ARHGAP18: variants seen among roughly 807,000 people sequenced by gnomAD.
ARHGAP18 encodes the protein rho GTPase-activating protein 18.
Under a neutral mutation model 86.2 loss-of-function variants are expected in ARHGAP18, and 67 were observed. That is an observed-to-expected ratio of 0.78 (90% CI 0.64 to 0.95). The LOEUF (loss-of-function observed/expected upper bound fraction) is 0.95, where lower values mean the gene tolerates loss of function less well. Among genes scored for constraint, ARHGAP18 ranks in the 40% least tolerant of loss-of-function variants. The pLI, the probability that ARHGAP18 is intolerant of heterozygous loss-of-function variation, is 0.00. For synonymous variants in ARHGAP18, 283 were observed against 280.4 expected (o/e 1.01, Z -0.09); for missense variants, 691 against 780.4 (o/e 0.89, Z 1.37).
chr6:129,619,650 G>T lies in ARHGAP18; in HGVS notation c.787-798C>A, dbSNP rs1030920229. On this transcript the variant is annotated intron_variant, in intron 5 of 14. Transcript: ENST00000368149. ...ACGGGAAGGGGATGGGGGAGGGGGAGGGGGAAACAGAGGAAGATGACATGA... is the reference window on the plus strand; with the variant it reads ...ACGGGAAGGGGATGGGGGAGGGGGATGGGGAAACAGAGGAAGATGACATGA... Among the ~76,000 whole-genome samples the T allele has an allele frequency of 5.2e-5, 7 of 134,594 alleles. No homozygotes were observed. The East Asian group carries it at 1.6e-3, about 31-fold the overall frequency. The allele number at this position is 134,594 out of a possible 152,430, so 88.3% of individuals were successfully genotyped here. A position where few individuals can be genotyped will look rare whatever the true frequency, so the allele number is the denominator to read the frequency against.
intron 3 of ARHGAP18, among the ~76,000 whole-genome samples, chr6:129,637,297 C>T (rs922646229): frequency 4.6e-5 from 7 of 152,118 alleles, no homozygotes; most frequent in Non-Finnish European, 1.0e-4. Flanking sequence ...ACTCTCCAGT[C>T]TCAGCCTCCC....
intron 1 of ARHGAP18, among the ~76,000 whole-genome samples, chr6:129,660,710 A>G (rs1773932317): frequency 6.6e-6 from 1 of 152,226 alleles, no homozygotes. Context: ...ACGCCTGTGC[A>G]CAGTCAAAAT....
At chr6:129,650,895 G>A (rs1773697736) in intron 1 of ARHGAP18, among the ~76,000 whole-genome samples, 1 of 151,992 alleles carries the variant, frequency 6.6e-6, no homozygotes, top group Admixed American at 6.6e-5. Flanking sequence ...TTTCTCTGTG[G>A]GGCTGGAATA....
chr6:129,669,592 C>T (rs1022342386), intron 1 of ARHGAP18, among the ~76,000 whole-genome samples: 2 of 151,658 alleles, frequency 1.3e-5, no homozygotes, highest in African/African-American at 4.8e-5. Flanking sequence ...TCAAGACCAG[C>T]CTGACCAACA....
chr6:129,624,182 C>A, intron 5 of ARHGAP18, among the ~76,000 whole-genome samples: 1 of 152,274 alleles, frequency 6.6e-6, no homozygotes, highest in East Asian at 1.9e-4. Flanking sequence ...TTAGATTCTA[C>A]TGTCCTTCAA....
intron 1 of ARHGAP18, among the ~76,000 whole-genome samples, chr6:129,645,458 G>T (rs1392523819): frequency 1.3e-5 from 2 of 152,104 alleles, no homozygotes; most frequent in African/African-American, 4.8e-5. Context: ...GTTGACACAT[G>T]GTGTTGAAAT....
intron 5 of ARHGAP18, among the ~76,000 whole-genome samples, chr6:129,623,006 CAAAAAAAAA>C (rs57274879): frequency 7.6e-5 from 3 of 39,734 alleles, no homozygotes; most frequent in African/African-American, 1.9e-4. Context: ...CATCTCAAAA[CAAAAAAAAA>C]AAAAAAAAAA....
intron 12 of ARHGAP18, among the ~76,000 whole-genome samples, chr6:129,588,521 CCT>C (rs938952310): frequency 2.6e-5 from 4 of 152,214 alleles, no homozygotes; most frequent in Non-Finnish European, 5.9e-5. Context: ...CAGCTCTGCC[CCT>C]GTGGCTTTGC....
intron 1 of ARHGAP18, among the ~76,000 whole-genome samples, chr6:129,688,933 T>A (rs1393682693): frequency 1.3e-5 from 2 of 152,198 alleles, no homozygotes; most frequent in Non-Finnish European, 2.9e-5. Context: ...AACTATTGTC[T>A]AATATAAAAA....
intron 10 of ARHGAP18, among the ~76,000 whole-genome samples, chr6:129,603,207 T>C (rs1788784096): frequency 6.6e-6 from 1 of 152,074 alleles, no homozygotes; most frequent in Non-Finnish European, 1.5e-5. Flanking sequence ...TGCATCCTCA[T>C]AGCTTAGCTC....
intron 1 of ARHGAP18, among the ~76,000 whole-genome samples, chr6:129,675,766 T>C (rs542083614): frequency 6.6e-6 from 1 of 152,222 alleles, no homozygotes; most frequent in East Asian, 1.9e-4. Flanking sequence ...GAGATGCAGG[T>C]AATAAATTCC....
intron 4 of ARHGAP18, among the ~76,000 whole-genome samples, chr6:129,631,932 T>C (rs911196071): frequency 1.4e-5 from 2 of 145,176 alleles, no homozygotes; most frequent in Non-Finnish European, 3.1e-5. Flanking sequence ...AAAATGAACA[T>C]ATTACAGTGA....
chr6:129,645,025 T>A (rs1428043265), intron 1 of ARHGAP18, among the ~76,000 whole-genome samples: 1 of 152,140 alleles, frequency 6.6e-6, no homozygotes, highest in African/African-American at 2.4e-5. Flanking sequence ...TTTTTTTTGA[T>A]CACTGGTAAA....
At chr6:129,600,084 G>A (rs559520951) in intron 11 of ARHGAP18, among the ~76,000 whole-genome samples, 2 of 152,032 alleles carry the variant, frequency 1.3e-5, no homozygotes, top group African/African-American at 4.8e-5. Context: ...CCTCAAATAA[G>A]AGATTGAAAT....
chr6:129,679,021 A>G (rs1258474611), intron 1 of ARHGAP18, among the ~76,000 whole-genome samples: 2 of 152,162 alleles, frequency 1.3e-5, no homozygotes, highest in African/African-American at 4.8e-5. Flanking sequence ...TTATTTTTTA[A>G]TGTTTTTAAA....
chr6:129,636,830 T>A (rs767465660), intron 3 of ARHGAP18, among the ~76,000 whole-genome samples: 2 of 152,204 alleles, frequency 1.3e-5, no homozygotes, highest in African/African-American at 4.8e-5. Context: ...TGAGCCGAGA[T>A]TGCACTCAAG....
chr6:129,705,582 A>AT (rs1225999176), intron 1 of ARHGAP18, among the ~76,000 whole-genome samples: 1 of 152,198 alleles, frequency 6.6e-6, no homozygotes, highest in Non-Finnish European at 1.5e-5. Context: ...CAAATATGTC[A>AT]TTTTTTAAGC....
At chr6:129,667,831 T>G (rs954911748) in intron 1 of ARHGAP18, among the ~76,000 whole-genome samples, 3 of 151,932 alleles carry the variant, frequency 2.0e-5, no homozygotes, top group Non-Finnish European at 4.4e-5. Context: ...TTTAGAAATA[T>G]GCATGCACAA....
chr6:129,592,691 T>A (rs892887059), intron 12 of ARHGAP18, among the ~76,000 whole-genome samples: 2 of 152,070 alleles, frequency 1.3e-5, no homozygotes, highest in Non-Finnish European at 2.9e-5. Context: ...ATGAACAGCC[T>A]CCCTTTGAGA....
Sources: allele counts gnomAD v4.1 joint callset (sites outside exome capture counted in the v4.1 genomes callset), GRCh38; gene constraint gnomAD v4.1.1; transcripts MANE v1.5; gene names NCBI Gene and HGNC (gene_info 2026-07-23, HGNC 2026-07-21).